Variants in TTC16 observed in about 807,000 individuals in gnomAD.
TTC16 encodes tetratricopeptide repeat protein 16.
TTC16 carries 66 observed loss-of-function variants against 80.4 expected under a neutral mutation model. The observed-to-expected ratio is 0.82, with a 90% CI of 0.67 to 1.01. The LOEUF (loss-of-function observed/expected upper bound fraction) is 1.01. Among genes scored for constraint, TTC16 ranks in the 50% least tolerant of loss-of-function variants. TTC16 has a pLI of 0.00. For missense variants in TTC16, 1,070 were observed against 1,103.2 expected (o/e 0.97, Z 0.43); for synonymous variants, 438 against 451.3 (o/e 0.97, Z 0.37).
At chr9:127,727,649 T>C in intron 12 of TTC16, 184 bp downstream of exon 12, 1 of 1,285,108 alleles carries the variant, frequency 7.8e-7, no homozygotes, top group Non-Finnish European at 1.0e-6. Flanking sequence ...CAAGGGGTGC[T>C]CCTGACGGAG....
At position 127,720,384 on chromosome 9, in the gene TTC16, T is replaced by A; in HGVS notation, c.646T>A (p.Phe216Ile). The change falls in exon 6 of 14, where the codon TTT becomes ATT. Residue 216 changes from phenylalanine (F) to isoleucine (I), a missense_variant. Physicochemically the swap from Phe to Ile is conservative, Grantham distance 21. Coordinates refer to ENST00000373289, the MANE Select transcript of TTC16 (RefSeq NM_144965.3). Reference sequence around the variant, plus strand: ...CATCTTCCGGGCCAGACTCTACAACTTTCTCCAGAAGGTACAGTGGGGAGG... The same window carrying A: ...CATCTTCCGGGCCAGACTCTACAACATTCTCCAGAAGGTACAGTGGGGAGG... ...VYIFRARLYN[F>I]LQKPHLCYRD... The A allele has an allele frequency of 2.5e-6, 4 of 1,613,050 alleles. No individual in the cohort carries two copies. Among genetic ancestry groups the A allele is most frequent in the Non-Finnish European group, 3.4e-6 (4 of 1,179,932 alleles).
intron 9 of TTC16, among the ~76,000 whole-genome samples, chr9:127,725,716 T>C (rs997572118): frequency 1.3e-5 from 2 of 151,700 alleles, no homozygotes; most frequent in African/African-American, 4.8e-5. Flanking sequence ...TCTCCTGCCT[T>C]AGCTTCCCAA....
chr9:127,729,796 C>T (rs568571970), intron 13 of TTC16, 128 bp downstream of exon 13: 13 of 804,072 alleles, frequency 1.6e-5, no homozygotes, highest in Admixed American at 1.5e-4. Flanking sequence ...TGGCCTGGGG[C>T]GAGTGGCTCT....
intron 13 of TTC16, chr9:127,730,053 T>C (rs967183656): frequency 1.2e-5 from 3 of 240,688 alleles, no homozygotes; most frequent in Admixed American, 1.0e-4. Context: ...CAGTCCTCGC[T>C]CGGGAGGCGA....
rs764560664 is a variant in TTC16 at position 127,724,302 on chromosome 9, T to A, written c.1055T>A (p.Leu352Gln). The change falls in exon 8 of 14, where the codon CTG becomes CAG. Residue 352 changes from leucine to glutamine, a missense_variant. Physicochemically the swap from Leu to Gln is moderately radical, Grantham distance 113 (BLOSUM62 -2). Transcript: ENST00000373289. The part of the protein sequence containing the change: ...YRQGAYQEGV[L>Q]LLNKALRDEQ... ...CAGGGCGCCTACCAGGAGGGCGTGC[T>A]GCTGCTGAACAAGGCCCTCCGGGAC... is the stretch of plus-strand genomic sequence containing the variant. 2 of 1,612,888 alleles carry A rather than the reference T, an allele frequency of 1.2e-6. No homozygotes were observed. Among genetic ancestry groups the A allele is most frequent in the Non-Finnish European group, 1.7e-6 (2 of 1,179,946 alleles).
At chr9:127,721,051 A>C (rs1211225319) in intron 6 of TTC16, among the ~76,000 whole-genome samples, 2 of 149,560 alleles carry the variant, frequency 1.3e-5, no homozygotes, top group Admixed American at 1.3e-4. Context: ...TGGGCTGGGC[A>C]CAGGGACAGA....
chr9:127,723,026 G>C, intron 6 of TTC16, 93 bp from the exon 7 acceptor site: 1 of 1,294,534 alleles, frequency 7.7e-7, no homozygotes, highest in Non-Finnish European at 1.1e-6. Flanking sequence ...GCACGGAGGA[G>C]GCATGGTGTG....
intron 6 of TTC16, among the ~76,000 whole-genome samples, chr9:127,721,386 G>A (rs1485245195): frequency 1.3e-5 from 2 of 152,030 alleles, no homozygotes; most frequent in African/African-American, 2.4e-5. Context: ...AGGCAGGGCC[G>A]GAGTCTGGCT....
intron 8 of TTC16, 164 bp from the exon 9 acceptor site, chr9:127,724,592 G>T: frequency 1.8e-6 from 2 of 1,141,344 alleles, no homozygotes; most frequent in East Asian, 5.2e-5. Context: ...CAGGCAGCTG[G>T]GGAACAGTGC....
Position 127,716,129 on chromosome 9 carries a change from C to T in TTC16, c.-17C>T, listed in dbSNP as rs778042693. 130 of 1,613,864 alleles carry T rather than the reference C, an allele frequency of 8.1e-5. No individual in the cohort carries two copies. The highest frequency in any genetic ancestry group is 1.0e-4 in the Non-Finnish European group (122 of 1,180,016). On this transcript the variant is annotated 5_prime_UTR_variant, in exon 1 of 14. Transcript: ENST00000373289. ...GGTAGTTGGCAGAGGCCTCGGGGTC[C>T]TCCTGGAAGGGGCCTCATGACAGAT...
rs759274250 is a variant in TTC16 at position 127,727,469 on chromosome 9, AG to A, written c.1764+5del. 2.6e-6 allele frequency: 4 copies of A among 1,559,042 alleles called. No individual in the cohort carries two copies. The African/African-American group carries it at 4.1e-5, about 16-fold the overall frequency. On this transcript the variant is annotated splice_donor_5th_base_variant and intron_variant, in intron 12 of 13. Coordinates refer to ENST00000373289, the MANE Select transcript of TTC16 (RefSeq NM_144965.3). ...AAAGGAGAAGGAGAAAAAAGAGGTA[AG>A]TGGAGTACAGGCCAGGGCTCGGAGC...
At position 127,718,013 on chromosome 9, in the gene TTC16, G is replaced by A. The variant is rs1453995160; in HGVS notation, c.426+241G>A. Among the ~76,000 whole-genome samples the A allele has an allele frequency of 1.3e-5, 2 of 152,242 alleles. No individual in the cohort carries two copies. The highest frequency in any genetic ancestry group is 2.9e-5 in the Non-Finnish European group (2 of 68,042). On this transcript the variant is annotated intron_variant, in intron 4 of 13. Coordinates refer to ENST00000373289, the MANE Select transcript of TTC16 (RefSeq NM_144965.3). The surrounding 1 kb of genome is among the most constrained non-coding windows in gnomAD (Gnocchi z 4.6). ...GTCCAATATGCTAGCCACCAGCCAC[G>A]TGGAACTGTTGAGCCCTTGAAATGT... is the stretch of plus-strand genomic sequence containing the variant.
chr9:127,716,102 G>C lies in TTC16; in HGVS notation c.-44G>C. 1 of 1,613,794 alleles carries C rather than the reference G, an allele frequency of 6.2e-7. No individual in the cohort carries two copies. Among genetic ancestry groups the C allele is most frequent in the Non-Finnish European group, 8.5e-7 (1 of 1,179,958 alleles). ...CTAGCAACGTCAGGGCCAGGGCCGC[G>C]AGGTAGTTGGCAGAGGCCTCGGGGT... On this transcript the variant is annotated 5_prime_UTR_variant, in exon 1 of 14. Coordinates refer to ENST00000373289, the MANE Select transcript of TTC16 (RefSeq NM_144965.3).
chr9:127,726,278 C>T lies in TTC16; in HGVS notation c.1299C>T (p.Ile433=). The T allele has an allele frequency of 6.2e-7, 1 of 1,605,574 alleles. No individual in the cohort carries two copies. The highest frequency in any genetic ancestry group is 8.5e-7 in the Non-Finnish European group (1 of 1,174,720). Reference sequence around the variant, plus strand: ...CAGAGAACCACTTCTCCACGGCCATCCGGCACAACCCCCAGAAGGCCCAGT... The same window carrying T: ...CAGAGAACCACTTCTCCACGGCCATTCGGCACAACCCCCAGAAGGCCCAGT... ...QKAENHFSTA[I]RHNPQKAQYY... Residue 433 remains isoleucine (I), a synonymous_variant, in exon 10 of 14, where the codon ATC becomes ATT. Transcript: ENST00000373289.
rs371317989 is a variant in TTC16, at chr9:127,720,425, C to T, written c.657+30C>T. The T allele has an allele frequency of 1.4e-4, 226 of 1,609,016 alleles. No individual in the cohort carries two copies. The African/African-American group carries it at 2.7e-3, about 19-fold the overall frequency. On this transcript the variant is annotated intron_variant, in intron 6 of 13. Coordinates refer to ENST00000373289, the MANE Select transcript of TTC16 (RefSeq NM_144965.3). ...AGTGGGGAGGGCGGGCAGGGGCATG[C>T]CCCCCAACCTGGGAGTCCTCAGTGT...
At chr9:127,730,239 C>A in intron 13 of TTC16, 2 of 256,526 alleles carry the variant, frequency 7.8e-6, no homozygotes, top group Non-Finnish European at 1.5e-5. Context: ...AGCCAGGAGA[C>A]AGGGCAGACA....
chr9:127,721,682 G>A (rs908455580), intron 6 of TTC16, among the ~76,000 whole-genome samples: 1 of 152,096 alleles, frequency 6.6e-6, no homozygotes, highest in African/African-American at 2.4e-5. Flanking sequence ...AAGCGATTCA[G>A]TGGCATGAGA....
At chr9:127,717,080 C>T (rs566815922) in intron 2 of TTC16, 64 bp downstream of exon 2, 1 of 1,573,598 alleles carries the variant, frequency 6.4e-7, no homozygotes, top group African/African-American at 1.3e-5. Context: ...ACATGCTGTG[C>T]AGCTTTGAGC....
chr9:127,716,667 G>A (rs1843041708), intron 1 of TTC16, 177 bp from the exon 2 acceptor site: 1 of 745,922 alleles, frequency 1.3e-6, no homozygotes, highest in Non-Finnish European at 2.1e-6. Flanking sequence ...CAGAGGGACA[G>A]GTTGGAGCGT....
Sources: gnomAD v4.1 joint callset for allele counts (sites outside exome capture counted in the v4.1 genomes callset) on GRCh38, gnomAD v4.1.1 for gene constraint, Gnocchi (gnomAD v3.1) non-coding constraint, MANE v1.5 for transcripts, NCBI Gene and HGNC (gene_info 2026-07-23, HGNC 2026-07-21) for gene names.